The following ADGRL3 variants were observed in gnomAD, a reference collection of about 807,000 sequenced individuals.
ADGRL3 encodes the protein adhesion G protein-coupled receptor L3.
Under a neutral mutation model 153.5 loss-of-function variants are expected in ADGRL3, and 62 were observed. The observed-to-expected ratio is 0.40, with a 90% CI of 0.33 to 0.50. ADGRL3 has a LOEUF of 0.50. Among genes scored for constraint, ADGRL3 ranks in the 20% least tolerant of loss-of-function variants. ADGRL3 has a pLI of 0.47. For missense variants in ADGRL3, 1,641 were observed against 1,859.4 expected, an observed-to-expected ratio of 0.88 and a Z score of 2.16; for synonymous variants, 710 against 672.5, an observed-to-expected ratio of 1.06 and a Z score of -0.86.
At chr4:61,251,706 C>T (rs547692224) in intron 1 of ADGRL3, among the ~76,000 whole-genome samples, 2 of 151,718 alleles carry the variant, frequency 1.3e-5, no homozygotes, top group South Asian at 4.2e-4. Context: ...CATCAGAGGC[C>T]TAAAACTACT....
At position 61,723,581 on chromosome 4, in the gene ADGRL3, G is replaced by A. The variant is rs146146875; in HGVS notation, c.584-7041G>A. 1.8e-3 allele frequency among the ~76,000 whole-genome samples: 270 copies of A among 152,212 alleles called. 3 individuals carry two copies. The highest frequency in any genetic ancestry group is 6.1e-3 in the African/African-American group (253 of 41,520). On this transcript the variant is annotated intron_variant, in intron 6 of 26. Transcript: ENST00000683033. ...ACCAGGTGTGTCATTCACGTAGCCA[G>A]TGAAAAAAACTGGCCCTCCCACCTT... is the stretch of plus-strand genomic sequence containing the variant.
chr4:61,569,122 A>G (rs1254210485), intron 4 of ADGRL3, among the ~76,000 whole-genome samples: 1 of 152,098 alleles, frequency 6.6e-6, no homozygotes, highest in African/African-American at 2.4e-5. Flanking sequence ...GAGAAAATGT[A>G]TTTCTTAGCT....
chr4:61,979,748 T>A lies in ADGRL3; in HGVS notation c.2991T>A (p.Ile997=). 6.2e-7 allele frequency: 1 copy of A among 1,613,926 alleles called. No individual in the cohort carries two copies. The highest frequency in any genetic ancestry group is 8.5e-7 in the Non-Finnish European group (1 of 1,179,826). The change falls in exon 18 of 27, where the codon ATT becomes ATA. Residue 997 remains isoleucine (I), a synonymous_variant. Transcript: ENST00000683033. ...SLFVAELLFL[I]GINRTDQPIA... The stretch of plus-strand genomic sequence containing the variant: ...TTGTAGCAGAGCTGCTCTTCCTGAT[T>A]GGGATCAACCGAACTGACCAACCAG...
Position 61,687,858 on chromosome 4 carries a change from A to G in ADGRL3, c.583+10923A>G, listed in dbSNP as rs919281001. On this transcript the variant is annotated intron_variant, in intron 6 of 26. Coordinates refer to ENST00000683033, the MANE Select transcript of ADGRL3 (RefSeq NM_001387552.1). ...TTGACTTGTAAAATTTGAATTAAAT[A>G]CATATTTATTGACTTACAGTTCTGC... 1.4e-4 allele frequency among the ~76,000 whole-genome samples: 22 copies of G among 152,210 alleles called. 1 individual carries two copies. In the East Asian group the frequency reaches 1.7e-3, roughly 12 times the overall value.
intron 2 of ADGRL3, among the ~76,000 whole-genome samples, chr4:61,424,680 G>T (rs2097254792): frequency 6.6e-6 from 1 of 152,126 alleles, no homozygotes; most frequent in Admixed American, 6.5e-5. Flanking sequence ...TATATCTAAG[G>T]CCATCCAGTT....
chr4:61,980,141 C>A (rs973474917), intron 18 of ADGRL3, among the ~76,000 whole-genome samples: 2 of 151,946 alleles, frequency 1.3e-5, no homozygotes, highest in African/African-American at 4.8e-5. Context: ...AACTGATGAA[C>A]CTGCATCAAC....
intron 1 of ADGRL3, among the ~76,000 whole-genome samples, chr4:61,301,482 T>G (rs1489778091): frequency 1.3e-5 from 2 of 152,224 alleles, no homozygotes; most frequent in African/African-American, 4.8e-5. Flanking sequence ...CAGGCTATCC[T>G]AACTGTCCAA....
intron 17 of ADGRL3, among the ~76,000 whole-genome samples, chr4:61,953,278 T>G (rs1325268149): frequency 6.6e-6 from 1 of 152,132 alleles, no homozygotes; most frequent in African/African-American, 2.4e-5. Context: ...TTGGAAAATT[T>G]TGTTTGAGGA....
At chr4:61,670,083 CAA>C (rs2094939513) in intron 5 of ADGRL3, among the ~76,000 whole-genome samples, 1 of 152,114 alleles carries the variant, frequency 6.6e-6, no homozygotes, top group Non-Finnish European at 1.5e-5. Flanking sequence ...ATCATGAGGT[CAA>C]GAGATCGAGA....
At chr4:61,996,999 G>GAA (rs79921191) in intron 20 of ADGRL3, among the ~76,000 whole-genome samples, 54 of 151,856 alleles carry the variant, frequency 3.6e-4, no homozygotes, top group East Asian at 1.7e-3. Flanking sequence ...TCCATTTTGT[G>GAA]AAAAAAATGT....
intron 1 of ADGRL3, among the ~76,000 whole-genome samples, chr4:61,329,434 TTTTC>T (rs1158910025): frequency 2.6e-5 from 4 of 152,166 alleles, no homozygotes; most frequent in Admixed American, 2.0e-4. Context: ...GCACTGAACT[TTTTC>T]TTTATTTCTT....
At chr4:62,051,989 C>T (rs1734457719) in intron 25 of ADGRL3, among the ~76,000 whole-genome samples, 1 of 151,572 alleles carries the variant, frequency 6.6e-6, no homozygotes, top group Admixed American at 6.6e-5. Flanking sequence ...AATATGCCTC[C>T]TTGTATTTGT....
At chr4:61,721,588 T>C (rs918447634) in intron 6 of ADGRL3, among the ~76,000 whole-genome samples, 4 of 152,232 alleles carry the variant, frequency 2.6e-5, no homozygotes, top group Non-Finnish European at 5.9e-5. Flanking sequence ...TCATCTCCTT[T>C]GGTAACACCC....
At chr4:61,555,088 T>C (rs914458125) in intron 4 of ADGRL3, among the ~76,000 whole-genome samples, 6 of 152,184 alleles carry the variant, frequency 3.9e-5, no homozygotes, top group African/African-American at 1.2e-4. Flanking sequence ...AAATTTCCTT[T>C]ACGAATATTA....
intron 5 of ADGRL3, among the ~76,000 whole-genome samples, chr4:61,653,201 C>CA (rs2094329182): frequency 6.6e-6 from 1 of 150,660 alleles, no homozygotes; most frequent in Admixed American, 6.7e-5. Flanking sequence ...CACACACACA[C>CA]ACACACAGAG....
intron 1 of ADGRL3, among the ~76,000 whole-genome samples, chr4:61,341,479 C>A (rs1271120940): frequency 2.0e-5 from 3 of 151,150 alleles, no homozygotes; most frequent in Non-Finnish European, 4.4e-5. Flanking sequence ...TAGACTTTTC[C>A]TCATATATAC....
intron 9 of ADGRL3, among the ~76,000 whole-genome samples, chr4:61,851,578 A>G (rs1255426880): frequency 7.3e-6 from 1 of 136,808 alleles, no homozygotes; most frequent in Non-Finnish European, 1.5e-5. Flanking sequence ...CAACAGAGTG[A>G]GACCATGTCT....
At chr4:61,623,988 G>A (rs2149886037) in intron 5 of ADGRL3, among the ~76,000 whole-genome samples, 1 of 152,226 alleles carries the variant, frequency 6.6e-6, no homozygotes, top group East Asian at 1.9e-4. Context: ...TTTAAAGTTT[G>A]TAACTGGCAC....
At chr4:61,544,139 C>G (rs776850002) in intron 4 of ADGRL3, among the ~76,000 whole-genome samples, 1 of 152,204 alleles carries the variant, frequency 6.6e-6, no homozygotes, top group Non-Finnish European at 1.5e-5. Flanking sequence ...GGTAACTTTA[C>G]TATTGAGCAA....
Sources: allele counts gnomAD v4.1 joint callset (sites outside exome capture counted in the v4.1 genomes callset), GRCh38; gene constraint gnomAD v4.1.1; transcripts MANE v1.5; gene names NCBI Gene and HGNC (gene_info 2026-07-23, HGNC 2026-07-21).